Variants in CWC27 observed in about 807,000 individuals in gnomAD.
CWC27 encodes spliceosome-associated protein CWC27 homolog.
A neutral mutation model predicts 63.6 loss-of-function variants in CWC27; 47 were observed. The ratio of observed to expected loss-of-function variants is 0.74; its 90% CI spans 0.58 to 0.94. CWC27 has a LOEUF of 0.94. Ranked by LOEUF, CWC27 falls within the 40% of genes least tolerant of loss-of-function variation. The pLI is 0.00. For missense variants in CWC27, 495 were observed against 554.3 expected, an observed-to-expected ratio of 0.89 and a Z score of 1.07; for synonymous variants, 175 against 179.8, an observed-to-expected ratio of 0.97 and a Z score of 0.22.
chr5:64,892,226 A>G (rs190445296), intron 11 of CWC27, among the ~76,000 whole-genome samples: 3 of 152,338 alleles, frequency 2.0e-5, no homozygotes, highest in Admixed American at 2.0e-4. Flanking sequence ...GAATTTGACA[A>G]GAGCCTTTAG....
At chr5:64,845,035 GC>G (rs1745939045) in intron 10 of CWC27, 1 of 456,688 alleles carries the variant, frequency 2.2e-6, no homozygotes, top group Non-Finnish European at 4.4e-6. Flanking sequence ...CTGATGAGAA[GC>G]CATCACAGTT....
chr5:64,777,191 C>T (rs1420981435), intron 2 of CWC27, among the ~76,000 whole-genome samples: 4 of 152,044 alleles, frequency 2.6e-5, no homozygotes, highest in African/African-American at 2.4e-5. Context: ...CTACTAATCT[C>T]TTCACCTTTA....
intron 13 of CWC27, among the ~76,000 whole-genome samples, chr5:65,005,155 G>T (rs1749819460): frequency 6.6e-6 from 1 of 151,736 alleles, no homozygotes; most frequent in African/African-American, 2.4e-5. Flanking sequence ...GGCAGGGCAG[G>T]CCTGTCCTCA....
chr5:64,933,031 A>G (rs978579234), intron 11 of CWC27, among the ~76,000 whole-genome samples: 3 of 152,290 alleles, frequency 2.0e-5, no homozygotes, highest in African/African-American at 7.2e-5. Context: ...ATTTTTCTCC[A>G]TAATCTTGCT....
intron 10 of CWC27, among the ~76,000 whole-genome samples, chr5:64,873,961 T>A (rs1009896167): frequency 6.6e-6 from 1 of 152,126 alleles, no homozygotes; most frequent in East Asian, 1.9e-4. Context: ...GGTGCTTTTG[T>A]TGAAAATCAG....
At chr5:64,929,781 G>A (rs1207069063) in intron 11 of CWC27, among the ~76,000 whole-genome samples, 6 of 151,686 alleles carry the variant, frequency 4.0e-5, no homozygotes, top group Non-Finnish European at 8.8e-5. Context: ...TTGTAAAATG[G>A]TACAACTGCT....
At chr5:64,986,351 G>A (rs1210545600) in intron 13 of CWC27, among the ~76,000 whole-genome samples, 1 of 152,154 alleles carries the variant, frequency 6.6e-6, no homozygotes, top group Non-Finnish European at 1.5e-5. Context: ...TTACCAGTGT[G>A]TTGAACCAGC....
At chr5:64,849,479 A>G (rs1746077659) in intron 10 of CWC27, among the ~76,000 whole-genome samples, 1 of 152,032 alleles carries the variant, frequency 6.6e-6, no homozygotes, top group African/African-American at 2.4e-5. Flanking sequence ...GTGGGAGGTG[A>G]TTAGATCATG....
chr5:64,877,360 C>T (rs895237549), intron 10 of CWC27, among the ~76,000 whole-genome samples: 29 of 151,826 alleles, frequency 1.9e-4, no homozygotes, highest in African/African-American at 6.8e-4. Flanking sequence ...AGCTAAAAAC[C>T]TTGATCTCAT....
At chr5:64,961,461 T>C (rs1748910866) in intron 11 of CWC27, among the ~76,000 whole-genome samples, 1 of 152,168 alleles carries the variant, frequency 6.6e-6, no homozygotes, top group Admixed American at 6.5e-5. Flanking sequence ...ATTTTTTTAA[T>C]TTTATTTTAA....
At chr5:64,826,715 T>G (rs1022042550) in intron 10 of CWC27, among the ~76,000 whole-genome samples, 1 of 151,380 alleles carries the variant, frequency 6.6e-6, no homozygotes, top group Non-Finnish European at 1.5e-5. Flanking sequence ...TTTTTTTTTT[T>G]GCTAATATCA....
chr5:64,987,313 T>C (rs999723454), intron 13 of CWC27, among the ~76,000 whole-genome samples: 2 of 152,210 alleles, frequency 1.3e-5, no homozygotes, highest in Non-Finnish European at 2.9e-5. Context: ...GAGTTAATAT[T>C]TTATCATTTC....
intron 10 of CWC27, among the ~76,000 whole-genome samples, chr5:64,835,568 T>C (rs1745639262): frequency 6.6e-6 from 1 of 151,912 alleles, no homozygotes; most frequent in South Asian, 2.1e-4. Context: ...TTGCTAAATA[T>C]AGGTAATGTA....
Position 64,801,350 on chromosome 5 carries a change from T to C in CWC27, c.780+18T>C. The C allele has an allele frequency of 7.3e-7, 1 of 1,360,566 alleles. No individual in the cohort carries two copies. The highest frequency in any genetic ancestry group is 9.8e-7 in the Non-Finnish European group (1 of 1,017,458). 84.3% of individuals were successfully genotyped at this position (1,360,566 alleles called of 1,614,324 possible). A position where few individuals can be genotyped will look rare whatever the true frequency, so the allele number is the denominator to read the frequency against. On this transcript the variant is annotated intron_variant, in intron 9 of 13. Coordinates refer to ENST00000381070, the MANE Select transcript of CWC27 (RefSeq NM_005869.4). ...TAGTTGATGTAAGTATTTATTTTGG[T>C]ATTAATATAGTTTGAACAATTCATA...
At chr5:64,967,485 G>C (rs1352379974) in intron 11 of CWC27, among the ~76,000 whole-genome samples, 1 of 151,928 alleles carries the variant, frequency 6.6e-6, no homozygotes, top group South Asian at 2.1e-4. Flanking sequence ...TTGTGAAAAA[G>C]AAGACAAAGT....
At chr5:64,977,061 A>T in intron 12 of CWC27, 74 bp from the exon 13 acceptor site, 1 of 873,764 alleles carries the variant, frequency 1.1e-6, no homozygotes, top group Non-Finnish European at 1.7e-6. Flanking sequence ...TTCCTTTTCT[A>T]CCAAACTTAA....
chr5:64,830,549 T>C (rs1313135813), intron 10 of CWC27, among the ~76,000 whole-genome samples: 2 of 152,062 alleles, frequency 1.3e-5, no homozygotes, highest in African/African-American at 2.4e-5. Context: ...CTGAAAGCAA[T>C]GGCAACAAAA....
intron 13 of CWC27, among the ~76,000 whole-genome samples, chr5:65,007,924 A>G (rs541989413): frequency 2.0e-5 from 3 of 152,064 alleles, no homozygotes; most frequent in African/African-American, 7.2e-5. Context: ...CACCGTGCCC[A>G]GCCTCATCAT....
intron 11 of CWC27, among the ~76,000 whole-genome samples, chr5:64,895,077 C>A (rs973018907): frequency 6.6e-6 from 1 of 152,162 alleles, no homozygotes; most frequent in Non-Finnish European, 1.5e-5. Flanking sequence ...AGGCAGCCCT[C>A]CCATCAGTTA....
Sources: allele counts gnomAD v4.1 joint callset (sites outside exome capture counted in the v4.1 genomes callset), GRCh38; gene constraint gnomAD v4.1.1; transcripts MANE v1.5; gene names NCBI Gene and HGNC (gene_info 2026-07-23, HGNC 2026-07-21).